The following MAMLD1 variants were observed in gnomAD, a reference collection of about 807,000 sequenced individuals.
The protein encoded by MAMLD1 is mastermind like domain containing 1.
In MAMLD1, 14 loss-of-function variants were observed where a neutral mutation model predicts 45.0. The observed-to-expected ratio is 0.31, with a 90% CI of 0.21 to 0.49. The LOEUF (loss-of-function observed/expected upper bound fraction) is 0.49, where lower values mean the gene tolerates loss of function less well. MAMLD1 is among the 20% of genes least tolerant of loss of function. The probability of loss-of-function intolerance (pLI) is 0.99; values close to 1 mark genes in which losing one functional copy is unlikely to be tolerated. For synonymous variants in MAMLD1, 254 were observed against 247.8 expected (o/e 1.02, Z -0.24); for missense variants, 543 against 603.6 (o/e 0.90, Z 1.05).
At chrX:150,436,308 AAT>A (rs1557404283) in intron 1 of MAMLD1, among the ~76,000 whole-genome samples, 2 of 111,675 alleles carry the variant, frequency 1.8e-5, no homozygotes, top group Admixed American at 9.5e-5. Flanking sequence ...AATATCCTGA[AAT>A]ATGTTTTCCA....
intron 1 of MAMLD1, among the ~76,000 whole-genome samples, chrX:150,409,305 C>T (rs1257599311): frequency 9.0e-6 from 1 of 111,430 alleles, no homozygotes; most frequent in Non-Finnish European, 1.9e-5. Context: ...TGGCTTTTCC[C>T]CTTGTTAAGA....
intron 5 of MAMLD1, among the ~76,000 whole-genome samples, chrX:150,494,877 C>T (rs1296884054): frequency 1.0e-5 from 1 of 98,179 alleles, no homozygotes; most frequent in African/African-American, 3.7e-5. Context: ...AGAGTGATAC[C>T]CTGCCTCAAT....
At chrX:150,417,719 G>A (rs1380796788) in intron 1 of MAMLD1, among the ~76,000 whole-genome samples, 1 of 107,813 alleles carries the variant, frequency 9.3e-6, no homozygotes, top group Non-Finnish European at 1.9e-5. Flanking sequence ...GTGTGAGATG[G>A]TATCTCATTG....
intron 1 of MAMLD1, among the ~76,000 whole-genome samples, chrX:150,398,314 GAAGAA>G (rs2033563119): frequency 1.0e-5 from 1 of 99,092 alleles, no homozygotes; most frequent in African/African-American, 3.7e-5. Flanking sequence ...AGAAGAAGAA[GAAGAA>G]GAAGAAGAAG....
chrX:150,442,089 A>G (rs1225523762), intron 1 of MAMLD1, among the ~76,000 whole-genome samples: 2 of 106,038 alleles, frequency 1.9e-5, no homozygotes, highest in African/African-American at 6.9e-5. Context: ...TTTATCTAAT[A>G]TCACTAGAGC....
intron 5 of MAMLD1, among the ~76,000 whole-genome samples, chrX:150,484,209 T>C (rs2266835): frequency 0.28 from 31,423 of 112,053 alleles, 3,567 homozygotes; most frequent in East Asian, 0.6. Flanking sequence ...ATTTTACTAG[T>C]TCATAAGCAC....
At chrX:150,447,967 A>G (rs782112856) in intron 2 of MAMLD1, among the ~76,000 whole-genome samples, 3 of 112,523 alleles carry the variant, frequency 2.7e-5, no homozygotes, top group Non-Finnish European at 3.7e-5. Context: ...AAACAAACAA[A>G]CAAACAAAAA....
chrX:150,391,430 T>G (rs1237521311), intron 1 of MAMLD1, among the ~76,000 whole-genome samples: 1 of 111,616 alleles, frequency 9.0e-6, no homozygotes, highest in African/African-American at 3.3e-5. Flanking sequence ...TTGGGTGAAT[T>G]ATACTGATGT....
intron 1 of MAMLD1, among the ~76,000 whole-genome samples, chrX:150,377,460 G>C (rs1418968451): frequency 1.8e-5 from 2 of 112,468 alleles, no homozygotes; most frequent in African/African-American, 6.5e-5. Context: ...AGAGTTAGGA[G>C]GTCTATATCT....
chrX:150,459,308 G>A (rs1569564869), intron 2 of MAMLD1, among the ~76,000 whole-genome samples: 1 of 112,109 alleles, frequency 8.9e-6, no homozygotes, highest in Non-Finnish European at 1.9e-5. Context: ...GAAAGGAATT[G>A]ATGTAGTTAA....
At chrX:150,373,753 A>T (rs1164224703) in intron 1 of MAMLD1, among the ~76,000 whole-genome samples, 2 of 111,785 alleles carry the variant, frequency 1.8e-5, no homozygotes, top group Non-Finnish European at 3.8e-5. Context: ...TGCCATCCTC[A>T]GCCCGCTGTA....
intron 1 of MAMLD1, among the ~76,000 whole-genome samples, chrX:150,406,584 A>G (rs2034003379): frequency 8.9e-6 from 1 of 111,910 alleles, no homozygotes; most frequent in South Asian, 3.7e-4. Context: ...ATATTTTTCC[A>G]TCAAGATAGT....
intron 5 of MAMLD1, among the ~76,000 whole-genome samples, chrX:150,484,057 T>C (rs1294097455): frequency 8.9e-6 from 1 of 112,485 alleles, no homozygotes; most frequent in African/African-American, 3.2e-5. Context: ...TATTTCTTTA[T>C]GACTAGCACA....
At chrX:150,482,598 C>T (rs781789630) in intron 5 of MAMLD1, among the ~76,000 whole-genome samples, 21 of 112,633 alleles carry the variant, frequency 1.9e-4, no homozygotes, top group Non-Finnish European at 3.8e-4. Flanking sequence ...CAAAAGCAGT[C>T]TTTTCTTTTG....
intron 2 of MAMLD1, among the ~76,000 whole-genome samples, chrX:150,456,322 C>T (rs781869887): frequency 9.0e-6 from 1 of 110,877 alleles, no homozygotes; most frequent in South Asian, 3.9e-4. Context: ...CCACCTGCAA[C>T]TCCTTCACCT....
chrX:150,504,061 T>C, intron 6 of MAMLD1: 1 of 754,262 alleles, frequency 1.3e-6, no homozygotes. Flanking sequence ...TGGATTGCCC[T>C]GCTGGAGGAC....
chrX:150,497,171 A>G (rs968946422), intron 5 of MAMLD1, among the ~76,000 whole-genome samples: 1 of 112,268 alleles, frequency 8.9e-6, no homozygotes, highest in Admixed American at 9.4e-5. Flanking sequence ...TGCTCCAAGA[A>G]AACTTTTACA....
intron 5 of MAMLD1, among the ~76,000 whole-genome samples, chrX:150,474,181 G>A (rs2036514686): frequency 8.9e-6 from 1 of 111,803 alleles, no homozygotes; most frequent in Non-Finnish European, 1.9e-5. Flanking sequence ...TCAGAGGCAG[G>A]GGCTGTTACC....
At chrX:150,460,970 G>A (rs1428106852) in intron 2 of MAMLD1, among the ~76,000 whole-genome samples, 1 of 112,624 alleles carries the variant, frequency 8.9e-6, no homozygotes. Flanking sequence ...CTCGCATCTG[G>A]AGACTCAGCC....
Sources: gnomAD v4.1 joint callset for allele counts (sites outside exome capture counted in the v4.1 genomes callset) on GRCh38, gnomAD v4.1.1 for gene constraint, MANE v1.5 for transcripts, NCBI Gene and HGNC (gene_info 2026-07-23, HGNC 2026-07-21) for gene names.